The following PPP2CA variants were observed in gnomAD, a reference collection of about 807,000 sequenced individuals.
The protein encoded by PPP2CA is protein phosphatase 2 catalytic subunit alpha.
Under a neutral mutation model 38.8 loss-of-function variants are expected in PPP2CA, and 5 were observed. That is an observed-to-expected ratio of 0.13 (90% CI 0.07 to 0.27). PPP2CA has a LOEUF of 0.27. PPP2CA is among the 10% of genes least tolerant of loss of function. The probability of loss-of-function intolerance (pLI) is 1.00; values close to 1 mark genes in which losing one functional copy is unlikely to be tolerated. For missense variants in PPP2CA, 88 were observed against 389.7 expected (o/e 0.23, Z 6.52); for synonymous variants, 152 against 134.0 (o/e 1.13, Z -0.93).
chr5:134,201,776 G>C, intron 3 of PPP2CA, 72 bp downstream of exon 3: 1 of 1,482,490 alleles, frequency 6.7e-7, no homozygotes, highest in Non-Finnish European at 9.2e-7. Context: ...AGTGGAAAGA[G>C]TCATAAGCAC....
rs758882466 is a variant in PPP2CA at position 134,225,875 on chromosome 5, C to G, written c.-14G>C. Reference sequence around the variant, plus strand: ...CTTCTCGTCCATGATGCCACCCGCCCCAGCCGGCTGCCGCTCCGCGCTGCT... The same window carrying G: ...CTTCTCGTCCATGATGCCACCCGCCGCAGCCGGCTGCCGCTCCGCGCTGCT... On this transcript the variant is annotated 5_prime_UTR_variant, in exon 1 of 7. Transcript: ENST00000481195. 5.6e-6 allele frequency: 9 copies of G among 1,602,660 alleles called. No homozygotes were observed. The South Asian group carries it at 9.9e-5, about 18-fold the overall frequency.
chr5:134,209,230 C>T (rs943032380), intron 1 of PPP2CA, among the ~76,000 whole-genome samples: 8 of 151,654 alleles, frequency 5.3e-5, no homozygotes, highest in African/African-American at 1.9e-4. Context: ...TAAATACTGG[C>T]GATAACAGTG....
intron 1 of PPP2CA, among the ~76,000 whole-genome samples, chr5:134,220,536 G>C (rs1337353513): frequency 6.7e-6 from 1 of 148,216 alleles, no homozygotes; most frequent in African/African-American, 2.5e-5. Context: ...AGATCTGCCT[G>C]TGTATGAGTG....
At chr5:134,201,289 G>T (rs924211341) in intron 3 of PPP2CA, among the ~76,000 whole-genome samples, 4 of 152,142 alleles carry the variant, frequency 2.6e-5, no homozygotes, top group Non-Finnish European at 5.9e-5. Context: ...CCCATCACTT[G>T]GCCCCTCTGG....
At chr5:134,220,989 T>C (rs1370436467) in intron 1 of PPP2CA, among the ~76,000 whole-genome samples, 1 of 152,200 alleles carries the variant, frequency 6.6e-6, no homozygotes, top group African/African-American at 2.4e-5. Flanking sequence ...AATGTTCACC[T>C]TTTCTGTTTC....
chr5:134,205,094 G>A (rs1293631150), intron 2 of PPP2CA, among the ~76,000 whole-genome samples: 3 of 151,690 alleles, frequency 2.0e-5, no homozygotes, highest in East Asian at 3.9e-4. Context: ...CACCACACTC[G>A]GTTAATTATT....
At chr5:134,225,669 G>A (rs903747787) in intron 1 of PPP2CA, 91 bp downstream of exon 1, 2 of 1,181,384 alleles carry the variant, frequency 1.7e-6, no homozygotes, top group Non-Finnish European at 1.2e-6. Flanking sequence ...CCGGACCGGC[G>A]GCCTCCGCCA....
chr5:134,225,998 T>C lies in PPP2CA; in HGVS notation c.-137A>G. ...TTGAGGCTGGCGCTGGCCCGCTGGC[T>C]CTCACCGCAGTACTCGGCCGTCGGC... On this transcript the variant is annotated 5_prime_UTR_variant, in exon 1 of 7. Transcript: ENST00000481195. 1 of 723,756 alleles carries C rather than the reference T, an allele frequency of 1.4e-6. No homozygotes were observed. Among genetic ancestry groups the C allele is most frequent in the Non-Finnish European group, 2.2e-6 (1 of 452,260 alleles). 44.8% of individuals were successfully genotyped at this position (723,756 alleles called of 1,614,324 possible).
Position 134,212,799 on chromosome 5 carries a change from C to T in PPP2CA, c.103-6668G>A, listed in dbSNP as rs114245547. On this transcript the variant is annotated intron_variant, in intron 1 of 6. Transcript: ENST00000481195. ...AAGCCAAACAGTCTTATTGCAGATA[C>T]GGACAAAGTTTTAGTGGTCTGGATA... Among the ~76,000 whole-genome samples, 718 of 152,252 alleles carry T rather than the reference C, an allele frequency of 4.7e-3. 4 individuals are homozygous for T. Among genetic ancestry groups the T allele is most frequent in the Non-Finnish European group, 8.8e-3 (599 of 68,022 alleles).
intron 5 of PPP2CA, among the ~76,000 whole-genome samples, chr5:134,200,033 A>G (rs1238346733): frequency 2.0e-5 from 3 of 152,174 alleles, no homozygotes; most frequent in Admixed American, 2.0e-4. Context: ...TAACATTGGG[A>G]TCATAAAATA....
At chr5:134,204,861 C>G (rs548455485) in intron 2 of PPP2CA, among the ~76,000 whole-genome samples, 1 of 151,906 alleles carries the variant, frequency 6.6e-6, no homozygotes, top group South Asian at 2.1e-4. Context: ...ATAATATTCT[C>G]TGTTAAATAT....
chr5:134,198,493 T>A (rs1233793012), intron 6 of PPP2CA, among the ~76,000 whole-genome samples: 1 of 152,176 alleles, frequency 6.6e-6, no homozygotes, highest in Non-Finnish European at 1.5e-5. Context: ...CCTGTTGGTG[T>A]GTTTCAATGT....
At chr5:134,221,133 A>G (rs1484602519) in intron 1 of PPP2CA, among the ~76,000 whole-genome samples, 1 of 152,088 alleles carries the variant, frequency 6.6e-6, no homozygotes, top group Non-Finnish European at 1.5e-5. Context: ...GCCGGGGGGA[A>G]TGGGGTCTCC....
At chr5:134,214,983 C>A (rs1306605673) in intron 1 of PPP2CA, among the ~76,000 whole-genome samples, 1 of 150,994 alleles carries the variant, frequency 6.6e-6, no homozygotes, top group Non-Finnish European at 1.5e-5. Flanking sequence ...AACATTATGA[C>A]ATTAACTTTA....
rs1762572610 is a variant in PPP2CA at position 134,225,967 on chromosome 5, C to G, written c.-106G>C. 9.2e-7 allele frequency: 1 copy of G among 1,092,578 alleles called. No homozygotes were observed. The highest frequency in any genetic ancestry group is 1.3e-6 in the Non-Finnish European group (1 of 759,182). The allele number at this position is 1,092,578 out of a possible 1,614,324, so 67.7% of individuals were successfully genotyped here. On this transcript the variant is annotated 5_prime_UTR_variant, in exon 1 of 7. Coordinates refer to ENST00000481195, the MANE Select transcript of PPP2CA (RefSeq NM_002715.4). ...CCGCCGGTTCCTCGTGTACTTCTGG[C>G]GGCTGTTGAGGCTGGCGCTGGCCCG... is the stretch of plus-strand genomic sequence containing the variant.
intron 2 of PPP2CA, among the ~76,000 whole-genome samples, chr5:134,205,315 A>C (rs991216986): frequency 1.3e-5 from 2 of 151,848 alleles, no homozygotes; most frequent in Non-Finnish European, 2.9e-5. Context: ...AAATCTAATT[A>C]TATTACCTCT....
At chr5:134,207,180 G>A (rs1377935088) in intron 1 of PPP2CA, among the ~76,000 whole-genome samples, 1 of 152,140 alleles carries the variant, frequency 6.6e-6, no homozygotes, top group African/African-American at 2.4e-5. Context: ...AAGGCGGGCC[G>A]ATCACTTGAG....
At chr5:134,221,638 T>C (rs1053632530) in intron 1 of PPP2CA, among the ~76,000 whole-genome samples, 2 of 152,076 alleles carry the variant, frequency 1.3e-5, no homozygotes, top group African/African-American at 2.4e-5. Context: ...AACAACAGTA[T>C]GTAACATGAA....
chr5:134,220,523 T>C (rs951921610), intron 1 of PPP2CA, among the ~76,000 whole-genome samples: 3 of 146,632 alleles, frequency 2.0e-5, no homozygotes, highest in African/African-American at 7.5e-5. Context: ...TCTCATCCAA[T>C]TCAGATCTGC....
Sources: allele counts gnomAD v4.1 joint callset (sites outside exome capture counted in the v4.1 genomes callset), GRCh38; gene constraint gnomAD v4.1.1; transcripts MANE v1.5; gene names NCBI Gene and HGNC (gene_info 2026-07-23, HGNC 2026-07-21).